The following RCSD1 variants were observed in gnomAD, a reference collection of about 807,000 sequenced individuals.
RCSD1 encodes the protein RCSD domain containing 1.
RCSD1 carries 26 observed loss-of-function variants against 42.5 expected under a neutral mutation model. The observed-to-expected ratio is 0.61, with a 90% CI of 0.45 to 0.85. RCSD1 has a LOEUF of 0.85. Ranked by LOEUF, RCSD1 falls within the 40% of genes least tolerant of loss-of-function variation. RCSD1 has a pLI of 0.00. For missense variants in RCSD1, 571 were observed against 528.3 expected, an observed-to-expected ratio of 1.08 and a Z score of -0.79; for synonymous variants, 220 against 212.2, an observed-to-expected ratio of 1.04 and a Z score of -0.32.
At chr1:167,697,058 TTA>T (rs1223645264) in intron 5 of RCSD1, 39 bp from the exon 6 acceptor site, 1 of 1,571,024 alleles carries the variant, frequency 6.4e-7, no homozygotes, top group East Asian at 2.2e-5. Context: ...TGGCCTTTTT[TTA>T]TGAGTTTTTG....
chr1:167,639,014 G>A (rs972939394), intron 1 of RCSD1, among the ~76,000 whole-genome samples: 7 of 152,154 alleles, frequency 4.6e-5, no homozygotes, highest in Non-Finnish European at 1.0e-4. Flanking sequence ...TCAGGAGATT[G>A]AGACCATCCT....
At chr1:167,702,952 T>C (rs1659677455) in intron 6 of RCSD1, among the ~76,000 whole-genome samples, 1 of 152,232 alleles carries the variant, frequency 6.6e-6, no homozygotes, top group African/African-American at 2.4e-5. Flanking sequence ...CTTTGCTGTA[T>C]TAACAATAAG....
At chr1:167,632,162 T>C (rs531133992) in intron 1 of RCSD1, among the ~76,000 whole-genome samples, 19 of 152,300 alleles carry the variant, frequency 1.2e-4, no homozygotes, top group Admixed American at 3.3e-4. Context: ...AGGAGGGAAA[T>C]GGCCCAGGCA....
intron 1 of RCSD1, among the ~76,000 whole-genome samples, chr1:167,681,582 A>G (rs1177221755): frequency 6.6e-6 from 1 of 152,208 alleles, no homozygotes; most frequent in Non-Finnish European, 1.5e-5. Flanking sequence ...TAGTTTTGGG[A>G]CAGGGAAGTA....
chr1:167,680,309 C>A (rs530820779), intron 1 of RCSD1, among the ~76,000 whole-genome samples: 2 of 152,004 alleles, frequency 1.3e-5, no homozygotes, highest in East Asian at 3.9e-4. Flanking sequence ...GAGGGACTTA[C>A]ATACATCTGG....
chr1:167,642,465 T>C (rs1558072510), intron 1 of RCSD1, among the ~76,000 whole-genome samples: 1 of 152,200 alleles, frequency 6.6e-6, no homozygotes, highest in Non-Finnish European at 1.5e-5. Context: ...CTTCATGCTT[T>C]GGGGGTGATT....
chr1:167,677,661 C>G (rs903843811), intron 1 of RCSD1, among the ~76,000 whole-genome samples: 1 of 152,190 alleles, frequency 6.6e-6, no homozygotes, highest in Admixed American at 6.5e-5. Flanking sequence ...AAACAGTCCA[C>G]CTATTGCCTC....
chr1:167,638,536 C>T (rs559336524), intron 1 of RCSD1: 1 of 152,296 alleles, frequency 6.6e-6, no homozygotes, highest in Admixed American at 6.5e-5. Flanking sequence ...TGGCTTCCCC[C>T]ACAGCACCTG....
intron 1 of RCSD1, among the ~76,000 whole-genome samples, chr1:167,655,262 C>G (rs1308389406): frequency 6.6e-6 from 1 of 152,168 alleles, no homozygotes; most frequent in Non-Finnish European, 1.5e-5. Context: ...CCCATCTCTG[C>G]CTGGGGAGGG....
intron 1 of RCSD1, among the ~76,000 whole-genome samples, chr1:167,666,003 G>A (rs754200927): frequency 6.6e-6 from 1 of 152,130 alleles, no homozygotes; most frequent in Non-Finnish European, 1.5e-5. Flanking sequence ...GTCGAGACGG[G>A]GTTTGGCCAT....
chr1:167,701,252 G>GTTCC (rs1553252221), intron 6 of RCSD1, among the ~76,000 whole-genome samples: 1 of 96,074 alleles, frequency 1.0e-5, no homozygotes, highest in Non-Finnish European at 2.2e-5. Context: ...CAATTGCCTA[G>GTTCC]TTTCTTTCTT....
At chr1:167,637,412 C>T (rs1044759424) in intron 1 of RCSD1, among the ~76,000 whole-genome samples, 3 of 152,150 alleles carry the variant, frequency 2.0e-5, no homozygotes, top group African/African-American at 4.8e-5. Flanking sequence ...AAGATAGAAT[C>T]TTGATAAGTT....
At chr1:167,693,637 C>A (rs1659428608) in intron 4 of RCSD1, among the ~76,000 whole-genome samples, 1 of 152,216 alleles carries the variant, frequency 6.6e-6, no homozygotes, top group South Asian at 2.1e-4. Flanking sequence ...AATGAGAACA[C>A]AGCTGAACGT....
At chr1:167,675,187 C>G (rs1571695611) in intron 1 of RCSD1, among the ~76,000 whole-genome samples, 2 of 113,608 alleles carry the variant, frequency 1.8e-5, no homozygotes, top group South Asian at 5.4e-4. Flanking sequence ...GCCAGGGTGA[C>G]AGAATGAGAC....
rs147054997 is a variant in RCSD1, at chr1:167,630,452, G to A, written c.6+23G>A. ...GAGGTAAAGGACCCCGGAGGGAGAC[G>A]CGGGGCTGAGCGGTGAGCGGTGTAT... On this transcript the variant is annotated intron_variant, in intron 1 of 6. Transcript: ENST00000367854. 841 of 1,530,048 alleles carry A rather than the reference G, an allele frequency of 5.5e-4. 4 individuals are homozygous for A. The African/African-American group carries it at 0.01, about 19-fold the overall frequency. The allele number at this position is 1,530,048 out of a possible 1,614,324, so 94.8% of individuals were successfully genotyped here.
chr1:167,675,198 T>G (rs1468332642), intron 1 of RCSD1, among the ~76,000 whole-genome samples: 1 of 101,420 alleles, frequency 9.9e-6, no homozygotes, highest in Non-Finnish European at 1.8e-5. Context: ...AGAATGAGAC[T>G]CCATCTCGGA....
chr1:167,669,093 T>C (rs1233554807), intron 1 of RCSD1, among the ~76,000 whole-genome samples: 1 of 152,148 alleles, frequency 6.6e-6, no homozygotes, highest in African/African-American at 2.4e-5. Flanking sequence ...AGTAAGGAAA[T>C]GATGTGCATG....
Position 167,697,683 on chromosome 1 carries a change from T to C in RCSD1, c.1059T>C (p.Pro353=). ...AAVKETPHSP[P]GGVKGGDVPK... ...TGAAGGAGACCCCCCACAGTCCCCC[T>C]GGAGGAGTGAAGGGCGGAGATGTCC... The change falls in exon 6 of 7, where the codon CCT becomes CCC. Residue 353 remains proline (P), a synonymous_variant. Coordinates refer to ENST00000367854, the MANE Select transcript of RCSD1 (RefSeq NM_052862.4). The C allele has an allele frequency of 1.2e-6, 2 of 1,604,418 alleles. No homozygotes were observed. Among genetic ancestry groups the C allele is most frequent in the Non-Finnish European group, 1.7e-6 (2 of 1,175,860 alleles).
chr1:167,682,261 C>T (rs1659100081), intron 1 of RCSD1, among the ~76,000 whole-genome samples: 1 of 151,828 alleles, frequency 6.6e-6, no homozygotes, highest in Non-Finnish European at 1.5e-5. Context: ...CTTCTGCCTC[C>T]CAGGTTCAAG....
Sources: gnomAD v4.1 joint callset for allele counts (sites outside exome capture counted in the v4.1 genomes callset) on GRCh38, gnomAD v4.1.1 for gene constraint, MANE v1.5 for transcripts, NCBI Gene and HGNC (gene_info 2026-07-23, HGNC 2026-07-21) for gene names.